Variants in SYTL5 observed in about 807,000 individuals in gnomAD.
SYTL5 encodes synaptotagmin-like protein 5.
In SYTL5, 34 loss-of-function variants were observed where a neutral mutation model predicts 55.9. The observed-to-expected ratio is 0.61, with a 90% CI of 0.46 to 0.81. The LOEUF is 0.81. Among genes scored for constraint, SYTL5 ranks in the 30% least tolerant of loss-of-function variants. The pLI is 0.00. For synonymous variants in SYTL5, 221 were observed against 188.7 expected (o/e 1.17, Z -1.40); for missense variants, 637 against 546.7 (o/e 1.17, Z -1.65).
At chrX:37,909,515 T>A in the SYTL5 span, among the ~76,000 whole-genome samples, 36 of 110,030 alleles carry the variant, frequency 3.3e-4, 1 homozygote, top group African/African-American at 1.1e-3. Context: ...CTATCATTAG[T>A]GTTAGTGTAT....
In SYTL5 at chrX:38,106,697, T is replaced by C. The variant is rs1166823939; in HGVS notation, c.1260T>C (p.Thr420=). The C allele has an allele frequency of 1.7e-6, 2 of 1,207,635 alleles. No individual in the cohort carries two copies. The highest frequency in any genetic ancestry group is 3.5e-5 in the African/African-American group (2 of 57,207). ...TCCATATCAGCTACTGCTACAAAACTGGTGGGCTGTACATTTTTGTCAAGA... is the reference window on the plus strand; with the variant it reads ...TCCATATCAGCTACTGCTACAAAACCGGTGGGCTGTACATTTTTGTCAAGA... ...ILLHISYCYK[T]GGLYIFVKNC... The change falls in exon 11 of 17, where the codon ACT becomes ACC. Residue 420 remains threonine (T), a synonymous_variant. Coordinates refer to ENST00000297875, the MANE Select transcript of SYTL5 (RefSeq NM_138780.3).
At chrX:37,982,107 A>C in the SYTL5 span, among the ~76,000 whole-genome samples, 5 of 112,537 alleles carry the variant, frequency 4.4e-5, no homozygotes, top group Non-Finnish European at 9.4e-5. Context: ...GTGATGTAAC[A>C]GACAAGGACT....
intron 10 of SYTL5, 55 bp from the exon 11 acceptor site, chrX:38,106,538 G>C: frequency 9.7e-7 from 1 of 1,026,622 alleles, no homozygotes; most frequent in South Asian, 2.6e-5. Context: ...AGTTGATTCT[G>C]TGAAGAGATC....
chrX:38,053,361 T>G (rs770084427), intron 2 of SYTL5, among the ~76,000 whole-genome samples: 1 of 112,681 alleles, frequency 8.9e-6, no homozygotes, highest in Non-Finnish European at 1.9e-5. Flanking sequence ...CATTTAATCT[T>G]TAAAACAATC....
intron 1 of SYTL5, among the ~76,000 whole-genome samples, chrX:38,032,873 G>T (rs767230553): frequency 9.1e-6 from 1 of 110,163 alleles, no homozygotes; most frequent in Non-Finnish European, 1.9e-5. Flanking sequence ...ACAGGTATCT[G>T]CCACCATGCC....
At chrX:38,073,300 C>T (rs1029376072) in intron 4 of SYTL5, among the ~76,000 whole-genome samples, 1 of 111,684 alleles carries the variant, frequency 9.0e-6, no homozygotes, top group Non-Finnish European at 1.9e-5. Context: ...AGACCATGTT[C>T]CCCTGCTCTA....
chrX:38,106,546 A>C, intron 10 of SYTL5, 47 bp from the exon 11 acceptor site: 1 of 1,059,264 alleles, frequency 9.4e-7, no homozygotes, highest in Non-Finnish European at 1.3e-6. Context: ...CTGTGAAGAG[A>C]TCATTAGAAT....
At chrX:38,098,936 G>A (rs992228680) in intron 9 of SYTL5, among the ~76,000 whole-genome samples, 5 of 110,815 alleles carry the variant, frequency 4.5e-5, no homozygotes, top group Non-Finnish European at 9.5e-5. Flanking sequence ...ACATTTATAT[G>A]AAATGTCAAT....
At chrX:38,119,522 T>C (rs764376998) in intron 13 of SYTL5, among the ~76,000 whole-genome samples, 1 of 112,840 alleles carries the variant, frequency 8.9e-6, no homozygotes, top group Non-Finnish European at 1.9e-5. Flanking sequence ...CTATTCCATT[T>C]TTATTAATGG....
chrX:37,899,337 C>T, the SYTL5 span, among the ~76,000 whole-genome samples: 1 of 111,395 alleles, frequency 9.0e-6, no homozygotes, highest in Non-Finnish European at 1.9e-5. Context: ...ATTAGCTGAG[C>T]TAATGAGGCT....
chrX:38,106,685 C>T lies in SYTL5; in HGVS notation c.1248C>T (p.Tyr416=). 8.3e-7 allele frequency: 1 copy of T among 1,209,870 alleles called. No homozygotes were observed. Among genetic ancestry groups the T allele is most frequent in the Non-Finnish European group, 1.1e-6 (1 of 894,682 alleles). ...VSGEILLHIS[Y]CYKTGGLYIF... ...GTGAAATCCTTCTCCATATCAGCTACTGCTACAAAACTGGTGGGCTGTACA... is the reference window on the plus strand; with the variant it reads ...GTGAAATCCTTCTCCATATCAGCTATTGCTACAAAACTGGTGGGCTGTACA... The change falls in exon 11 of 17, where the codon TAC becomes TAT. Residue 416 remains tyrosine, a synonymous_variant. Transcript: ENST00000297875.
At chrX:38,012,512 C>T (rs992845450) in intron 1 of SYTL5, among the ~76,000 whole-genome samples, 26 of 111,546 alleles carry the variant, frequency 2.3e-4, no homozygotes, top group Admixed American at 9.5e-5. Context: ...TAATGATGTT[C>T]CAGGTTCAAA....
the SYTL5 span, among the ~76,000 whole-genome samples, chrX:37,953,077 T>C: frequency 9.0e-6 from 1 of 111,373 alleles, no homozygotes; most frequent in Non-Finnish European, 1.9e-5. Flanking sequence ...CTGGAGCGAG[T>C]TGCCTTTGGG....
intron 3 of SYTL5, among the ~76,000 whole-genome samples, chrX:38,068,780 G>T (rs1157259159): frequency 1.8e-5 from 2 of 110,556 alleles, no homozygotes; most frequent in Non-Finnish European, 3.8e-5. Context: ...TCCTGGGGGT[G>T]GGGGCAAGGG....
At chrX:37,926,325 T>C in the SYTL5 span, among the ~76,000 whole-genome samples, 1 of 111,397 alleles carries the variant, frequency 9.0e-6, no homozygotes, top group East Asian at 2.8e-4. Flanking sequence ...ATACGATTGT[T>C]TTTTGATATT....
intron 1 of SYTL5, among the ~76,000 whole-genome samples, chrX:38,022,192 G>A (rs1486316706): frequency 9.0e-6 from 1 of 111,714 alleles, no homozygotes; most frequent in Non-Finnish European, 1.9e-5. Flanking sequence ...TAAGTTTACA[G>A]ACCTGCACTG....
intron 9 of SYTL5, among the ~76,000 whole-genome samples, chrX:38,097,708 C>G (rs1483040298): frequency 9.1e-6 from 1 of 109,362 alleles, no homozygotes; most frequent in Admixed American, 9.8e-5. Context: ...AATTATTATT[C>G]TACCATTTAT....
At chrX:38,094,476 G>T (rs1485438169) in intron 8 of SYTL5, 52 bp downstream of exon 8, 16 of 1,115,347 alleles carry the variant, frequency 1.4e-5, no homozygotes, top group Non-Finnish European at 2.0e-5. Context: ...TAAATCAAAT[G>T]GAATTGACTG....
At chrX:37,900,016 T>C in the SYTL5 span, among the ~76,000 whole-genome samples, 1 of 112,346 alleles carries the variant, frequency 8.9e-6, no homozygotes, top group East Asian at 2.7e-4. Flanking sequence ...TTTGTTCTCT[T>C]AAGCATAAGA....
Sources: gnomAD v4.1 joint callset for allele counts (sites outside exome capture counted in the v4.1 genomes callset) on GRCh38, gnomAD v4.1.1 for gene constraint, MANE v1.5 for transcripts, NCBI Gene and HGNC (gene_info 2026-07-23, HGNC 2026-07-21) for gene names.